FOXP2: variants seen among roughly 807,000 people sequenced by gnomAD.
FOXP2 encodes the protein forkhead box protein P2.
A neutral mutation model predicts 115.8 loss-of-function variants in FOXP2; 12 were observed. The ratio of observed to expected loss-of-function variants is 0.10; its 90% confidence interval spans 0.07 to 0.17. The LOEUF is 0.17. Ranked by LOEUF, FOXP2 falls within the 10% of genes least tolerant of loss-of-function variation. The probability of loss-of-function intolerance (pLI) is 1.00; values close to 1 mark genes in which losing one functional copy is unlikely to be tolerated. For missense variants in FOXP2, 629 were observed against 843.5 expected (o/e 0.75, Z 3.15); for synonymous variants, 328 against 297.7 (o/e 1.10, Z -1.05).
At chr7:114,354,147 G>A (rs1791559945) in intron 2 of FOXP2, among the ~76,000 whole-genome samples, 1 of 152,098 alleles carries the variant, frequency 6.6e-6, no homozygotes, top group African/African-American at 2.4e-5. Context: ...TCCTGTTTGA[G>A]ACATCTATCT....
At chr7:114,334,931 C>CTCTCTCTCTATATATATA (rs1554371352) in intron 2 of FOXP2, among the ~76,000 whole-genome samples, 1 of 119,334 alleles carries the variant, frequency 8.4e-6, no homozygotes, top group South Asian at 2.8e-4. Flanking sequence ...ATATAGAAAT[C>CTCTCTCTCTATATATATA]TATATATATA....
chr7:114,343,553 AC>A lies in FOXP2; in HGVS notation c.-11+55446del, dbSNP rs375026447. Among the ~76,000 whole-genome samples, 594 of 151,768 alleles carry A rather than the reference AC, an allele frequency of 3.9e-3. 1 individual carries two copies. Among genetic ancestry groups the A allele is most frequent in the South Asian group, 0.011 (55 of 4,826 alleles). ...AAGTGTTAGTTACATAGAAAATGAA[AC>A]CAATAATGATTTATATTATGCCACA... On this transcript the variant is annotated intron_variant, in intron 2 of 17. Transcript: ENST00000634411.
chr7:114,280,077 CAAATAAATAAATAAATAAAT>C (rs141041172), intron 1 of FOXP2, among the ~76,000 whole-genome samples: 1 of 142,944 alleles, frequency 7.0e-6, no homozygotes, highest in Non-Finnish European at 1.5e-5. Flanking sequence ...GACTCTCAGG[CAAATAAATAAATAAATAAAT>C]AAATAAATAA....
intron 2 of FOXP2, among the ~76,000 whole-genome samples, chr7:114,326,695 T>C (rs1237842612): frequency 6.6e-6 from 1 of 152,178 alleles, no homozygotes; most frequent in Non-Finnish European, 1.5e-5. Context: ...TGATAGACTA[T>C]GCATTTTTCT....
chr7:114,542,147 C>G (rs150026894), intron 3 of FOXP2, among the ~76,000 whole-genome samples: 4 of 152,204 alleles, frequency 2.6e-5, no homozygotes, highest in Non-Finnish European at 5.9e-5. Context: ...CTGCTACCTT[C>G]ACCTTTTCTA....
At chr7:114,327,337 A>C (rs1797582092) in intron 2 of FOXP2, among the ~76,000 whole-genome samples, 1 of 152,216 alleles carries the variant, frequency 6.6e-6, no homozygotes, top group Non-Finnish European at 1.5e-5. Flanking sequence ...AAGTAGCATT[A>C]AAATTCTTAT....
chr7:114,677,603 G>GT (rs2129348411), intron 16 of FOXP2, among the ~76,000 whole-genome samples: 1 of 152,240 alleles, frequency 6.6e-6, no homozygotes, highest in African/African-American at 2.4e-5. Context: ...TTGCTTTGGG[G>GT]TATAGGCAAG....
At chr7:114,373,150 G>A (rs1169369703) in intron 2 of FOXP2, among the ~76,000 whole-genome samples, 1 of 151,846 alleles carries the variant, frequency 6.6e-6, no homozygotes, top group Non-Finnish European at 1.5e-5. Flanking sequence ...CAGCCACCAC[G>A]CCAGGCTAAT....
chr7:114,662,370 CG>C (rs1806918256), intron 14 of FOXP2, among the ~76,000 whole-genome samples, 184 bp downstream of exon 14: 1 of 151,888 alleles, frequency 6.6e-6, no homozygotes, highest in South Asian at 2.1e-4. Context: ...CAATTTTTTC[CG>C]TAAAAATCAT....
chr7:114,442,811 T>C (rs907181963), intron 2 of FOXP2, among the ~76,000 whole-genome samples: 5 of 152,138 alleles, frequency 3.3e-5, no homozygotes, highest in African/African-American at 1.2e-4. Flanking sequence ...TACAGCTGTT[T>C]ATATAAAGAG....
chr7:114,176,314 C>G (rs1042830276), intron 1 of FOXP2, among the ~76,000 whole-genome samples: 2 of 138,612 alleles, frequency 1.4e-5, no homozygotes, highest in Non-Finnish European at 1.5e-5. Context: ...CTCTCTCTCT[C>G]TCTCTCTTTC....
At chr7:114,088,617 C>T (rs2129138560) in intron 1 of FOXP2, among the ~76,000 whole-genome samples, 1 of 152,334 alleles carries the variant, frequency 6.6e-6, no homozygotes, top group Non-Finnish European at 1.5e-5. Flanking sequence ...TGTTTAATAG[C>T]AAGTCTGTGT....
Position 114,592,242 on chromosome 7 carries a change from C to T in FOXP2, c.259-36298C>T, listed in dbSNP as rs1036473183. 8.5e-5 allele frequency among the ~76,000 whole-genome samples: 13 copies of T among 152,082 alleles called. No homozygotes were observed. In the South Asian group the frequency reaches 1.7e-3, roughly 19 times the overall value. On this transcript the variant is annotated intron_variant, in intron 3 of 16. Coordinates refer to ENST00000350908, the MANE Select transcript of FOXP2 (RefSeq NM_014491.4). ...ATTATTTCAAGACATTCCCTATTTA[C>T]GTAATTCTAAAAATAATATTCATAT...
chr7:114,221,612 C>A (rs1385477734), intron 1 of FOXP2, among the ~76,000 whole-genome samples: 1 of 152,098 alleles, frequency 6.6e-6, no homozygotes, highest in Non-Finnish European at 1.5e-5. Context: ...CTCCATACTG[C>A]ACTTAGGGTC....
At chr7:114,608,903 A>T (rs1246879842) in intron 3 of FOXP2, among the ~76,000 whole-genome samples, 1 of 152,148 alleles carries the variant, frequency 6.6e-6, no homozygotes, top group Non-Finnish European at 1.5e-5. Flanking sequence ...CCATATTTTT[A>T]AAAAGAAACC....
At chr7:114,597,300 T>A (rs1420801554) in intron 3 of FOXP2, among the ~76,000 whole-genome samples, 1 of 152,110 alleles carries the variant, frequency 6.6e-6, no homozygotes, top group African/African-American at 2.4e-5. Context: ...TTCATACTTA[T>A]ACAGTTCTTT....
chr7:114,401,867 TCTCAG>T (rs1368722489), intron 2 of FOXP2, among the ~76,000 whole-genome samples: 2 of 152,228 alleles, frequency 1.3e-5, no homozygotes, highest in Non-Finnish European at 2.9e-5. Context: ...ATGCCTGTAA[TCTCAG>T]CACTTTGAGA....
intron 2 of FOXP2, among the ~76,000 whole-genome samples, chr7:114,391,894 C>G (rs1412018253): frequency 6.6e-6 from 1 of 152,086 alleles, no homozygotes; most frequent in Non-Finnish European, 1.5e-5. Context: ...GAAAAGCATA[C>G]TAGGTCTTTA....
intron 2 of FOXP2, among the ~76,000 whole-genome samples, chr7:114,384,387 T>G (rs577528683): frequency 6.6e-6 from 1 of 152,270 alleles, no homozygotes; most frequent in African/African-American, 2.4e-5. Flanking sequence ...TGAGATAGTC[T>G]TTTGATTCTG....
Sources: gnomAD v4.1 joint callset for allele counts (sites outside exome capture counted in the v4.1 genomes callset) on GRCh38, gnomAD v4.1.1 for gene constraint, MANE v1.5 for transcripts, NCBI Gene and HGNC (gene_info 2026-07-23, HGNC 2026-07-21) for gene names.